The following UBR3 variants were observed in gnomAD, a reference collection of about 807,000 sequenced individuals.
The protein encoded by UBR3 is ubiquitin protein ligase E3 component n-recognin 3.
A neutral mutation model predicts 243.2 loss-of-function variants in UBR3; 85 were observed. That is an observed-to-expected ratio of 0.35 (90% CI 0.29 to 0.42). The LOEUF (loss-of-function observed/expected upper bound fraction) is 0.42. Among genes scored for constraint, UBR3 ranks in the 10% least tolerant of loss-of-function variants. UBR3 has a pLI of 1.00. For synonymous variants in UBR3, 748 were observed against 799.8 expected (o/e 0.94, Z 1.09); for missense variants, 1,686 against 2,300.8 (o/e 0.73, Z 5.47).
At chr2:170,064,806 T>A (rs1466450786) in intron 35 of UBR3, among the ~76,000 whole-genome samples, 2 of 16,740 alleles carry the variant, frequency 1.2e-4, no homozygotes, top group African/African-American at 1.2e-4. Context: ...TTTTTCTATT[T>A]TTTTTTTTTT....
chr2:169,949,382 T>G, intron 22 of UBR3: 1 of 411,064 alleles, frequency 2.4e-6, no homozygotes, highest in South Asian at 4.4e-5. Context: ...AAAGGAGATG[T>G]TACTGCTGAT....
At chr2:170,023,187 G>T (rs2090437433) in intron 30 of UBR3, among the ~76,000 whole-genome samples, 1 of 151,486 alleles carries the variant, frequency 6.6e-6, no homozygotes. Context: ...TACCCACGCT[G>T]GCCTCAAACT....
At chr2:169,891,750 G>A (rs1291008798) in intron 6 of UBR3, among the ~76,000 whole-genome samples, 1 of 152,124 alleles carries the variant, frequency 6.6e-6, no homozygotes, top group Non-Finnish European at 1.5e-5. Context: ...GACTAGATTA[G>A]TAATAATAAT....
chr2:170,080,619 T>C lies in UBR3; in HGVS notation c.5484T>C (p.Gly1828=). Reference sequence around the variant, plus strand: ...CATCGGTAATTATCATCATTCGAGGTCACCGCTTCTGCCTCTGGGGTTCCG... The same window carrying C: ...CATCGGTAATTATCATCATTCGAGGCCACCGCTTCTGCCTCTGGGGTTCCG... ...INASVIIIIR[G]HRFCLWGSVY... The change falls in exon 38 of 39, where the codon GGT becomes GGC. Residue 1828 remains glycine, a synonymous_variant. Coordinates refer to ENST00000272793, the MANE Select transcript of UBR3 (RefSeq NM_172070.4). 6.2e-7 allele frequency: 1 copy of C among 1,614,064 alleles called. No individual in the cohort carries two copies. Among genetic ancestry groups the C allele is most frequent in the Non-Finnish European group, 8.5e-7 (1 of 1,179,960 alleles).
At chr2:169,866,687 T>A (rs2083277455) in intron 1 of UBR3, among the ~76,000 whole-genome samples, 1 of 152,212 alleles carries the variant, frequency 6.6e-6, no homozygotes, top group African/African-American at 2.4e-5. Context: ...AAATTCATTT[T>A]TTCTTTTAAA....
chr2:169,904,022 T>C (rs1456470650), intron 8 of UBR3, among the ~76,000 whole-genome samples: 1 of 152,172 alleles, frequency 6.6e-6, no homozygotes, highest in African/African-American at 2.4e-5. Context: ...TAAAGCATCA[T>C]CTGTGGATCC....
At chr2:169,980,074 CTG>C (rs894490602) in intron 24 of UBR3, among the ~76,000 whole-genome samples, 3 of 152,146 alleles carry the variant, frequency 2.0e-5, no homozygotes, top group African/African-American at 7.2e-5. Flanking sequence ...GCAAAAGAAA[CTG>C]TGTATAACCA....
chr2:169,866,221 T>G (rs554366833), intron 1 of UBR3, among the ~76,000 whole-genome samples: 66 of 146,770 alleles, frequency 4.5e-4, no homozygotes, highest in Non-Finnish European at 8.8e-4. Context: ...GTACTTGATT[T>G]TCTCCAGCCT....
rs2303555 is a variant in UBR3 at position 169,827,714 on chromosome 2, C to G, written c.207C>G (p.Ala69=). Residue 69 remains alanine (A), a synonymous_variant, in exon 1 of 39, where the codon GCC becomes GCG. Transcript: ENST00000272793. The part of the protein sequence containing the change: ...LSAERPLAAA[A]GGEDAAAAGG... Reference sequence around the variant, plus strand: ...CCGAGCGGCCGCTGGCCGCGGCTGCCGGCGGCGAGGACGCGGCGGCGGCCG... The same window carrying G: ...CCGAGCGGCCGCTGGCCGCGGCTGCGGGCGGCGAGGACGCGGCGGCGGCCG... 2.4e-6 allele frequency: 3 copies of G among 1,225,240 alleles called. No individual in the cohort carries two copies. The highest frequency in any genetic ancestry group is 3.0e-6 in the Non-Finnish European group (3 of 986,610). The allele number at this position is 1,225,240 out of a possible 1,614,324, so 75.9% of individuals were successfully genotyped here. A position where few individuals can be genotyped will look rare whatever the true frequency, so the allele number is the denominator to read the frequency against.
chr2:169,997,341 G>C (rs768525158), intron 26 of UBR3, among the ~76,000 whole-genome samples: 4 of 152,092 alleles, frequency 2.6e-5, no homozygotes, highest in Admixed American at 2.0e-4. Flanking sequence ...TCCTGTGGTG[G>C]GGCCAGGTGT....
At chr2:169,865,106 T>G (rs1455073201) in intron 1 of UBR3, among the ~76,000 whole-genome samples, 2 of 151,994 alleles carry the variant, frequency 1.3e-5, no homozygotes, top group Non-Finnish European at 2.9e-5. Context: ...TTTTTTTTTT[T>G]GTTCTACTAT....
intron 1 of UBR3, among the ~76,000 whole-genome samples, chr2:169,835,160 T>A (rs2082045016): frequency 6.6e-6 from 1 of 152,184 alleles, no homozygotes; most frequent in African/African-American, 2.4e-5. Flanking sequence ...TTAAGATGTT[T>A]TAAATGGTAA....
intron 23 of UBR3, among the ~76,000 whole-genome samples, chr2:169,957,968 T>C (rs963846576): frequency 1.3e-5 from 2 of 152,206 alleles, no homozygotes; most frequent in South Asian, 2.1e-4. Flanking sequence ...AGGAGAGGCC[T>C]ATTCTTAGGG....
intron 6 of UBR3, among the ~76,000 whole-genome samples, chr2:169,891,839 T>C (rs2084389995): frequency 6.6e-6 from 1 of 152,196 alleles, no homozygotes; most frequent in Non-Finnish European, 1.5e-5. Flanking sequence ...CCTAAATTCA[T>C]ATCCCAGAGC....
rs35993753 is a variant in UBR3, at chr2:169,875,026, G to GT, written c.686-755dup. 1.0e-3 allele frequency among the ~76,000 whole-genome samples: 154 copies of GT among 147,838 alleles called. 2 individuals carry two copies. In the East Asian group the frequency reaches 0.015, roughly 15 times the overall value. On this transcript the variant is annotated intron_variant, in intron 2 of 38. Coordinates refer to ENST00000272793, the MANE Select transcript of UBR3 (RefSeq NM_172070.4). ...TCTTTCTCTCCATCTCTATTTGCCT[G>GT]TTTTTTTTTTAGTTTTTAATACAAT...
chr2:170,029,155 A>C (rs1481521703), intron 30 of UBR3, among the ~76,000 whole-genome samples, 191 bp from the exon 31 acceptor site: 1 of 152,068 alleles, frequency 6.6e-6, no homozygotes, highest in Non-Finnish European at 1.5e-5. Flanking sequence ...ATTCTAGCAC[A>C]GATTATTTGG....
intron 10 of UBR3, among the ~76,000 whole-genome samples, chr2:169,911,232 A>G (rs560136801): frequency 6.6e-6 from 1 of 150,662 alleles, no homozygotes; most frequent in South Asian, 2.1e-4. Flanking sequence ...TTTTACTGAT[A>G]CTTGCTTTCT....
At chr2:169,856,626 C>A (rs1188458277) in intron 1 of UBR3, among the ~76,000 whole-genome samples, 4 of 152,194 alleles carry the variant, frequency 2.6e-5, no homozygotes, top group Non-Finnish European at 5.9e-5. Flanking sequence ...CAGTCAGGAG[C>A]TGGAGACCAG....
chr2:170,007,328 A>G (rs1164489122), intron 28 of UBR3, 138 bp downstream of exon 28: 9 of 819,788 alleles, frequency 1.1e-5, no homozygotes, highest in East Asian at 2.7e-5. Flanking sequence ...GTTCTCTTCT[A>G]TTTATACTTA....
Sources: allele counts gnomAD v4.1 joint callset (sites outside exome capture counted in the v4.1 genomes callset), GRCh38; gene constraint gnomAD v4.1.1; transcripts MANE v1.5; gene names NCBI Gene and HGNC (gene_info 2026-07-23, HGNC 2026-07-21).